KLRG1: variants seen among roughly 807,000 people sequenced by gnomAD.
KLRG1 encodes killer cell lectin like receptor G1.
A neutral mutation model predicts 21.8 loss-of-function variants in KLRG1; 16 were observed. That is an observed-to-expected ratio of 0.73 (90% CI 0.50 to 1.11). KLRG1 has a LOEUF of 1.11. Ranked by LOEUF, KLRG1 falls within the 50% of genes most tolerant of loss-of-function variation. KLRG1 has a pLI of 0.00. For missense variants in KLRG1, 173 were observed against 218.3 expected, an observed-to-expected ratio of 0.79 and a Z score of 1.31; for synonymous variants, 69 against 75.9, an observed-to-expected ratio of 0.91 and a Z score of 0.47.
the KLRG1 span, among the ~76,000 whole-genome samples, chr12:9,019,372 A>G: frequency 1.3e-5 from 2 of 152,246 alleles, no homozygotes; most frequent in South Asian, 2.1e-4. Flanking sequence ...TTTCCTCAAA[A>G]AACTGAAAAT....
At chr12:9,167,555 C>T in the KLRG1 span, 1 of 152,136 alleles carries the variant, frequency 6.6e-6, no homozygotes, top group Admixed American at 6.5e-5. Context: ...CCACCTCCAC[C>T]CCTGCTGCTT....
the KLRG1 span, among the ~76,000 whole-genome samples, chr12:9,062,628 T>A: frequency 6.8e-6 from 1 of 147,792 alleles, no homozygotes; most frequent in South Asian, 2.1e-4. Context: ...TATATGTATA[T>A]ATTATACATA....
chr12:8,961,403 T>TTTTA (rs1022786875), intron 1 of KLRG1, among the ~76,000 whole-genome samples: 143 of 152,052 alleles, frequency 9.4e-4, no homozygotes, highest in Middle Eastern at 3.4e-3. Context: ...AGATGGCAAT[T>TTTTA]TTTATTTATT....
At chr12:9,038,112 T>C in the KLRG1 span, among the ~76,000 whole-genome samples, 2 of 152,056 alleles carry the variant, frequency 1.3e-5, no homozygotes, top group Admixed American at 6.6e-5. Context: ...AAATAAAAAA[T>C]TGGCTGGGTG....
chr12:9,101,274 A>G, the KLRG1 span: 1 of 1,494,544 alleles, frequency 6.7e-7, no homozygotes, highest in Non-Finnish European at 9.1e-7. Flanking sequence ...TCACTTCAAT[A>G]TACTTGTTTT....
intron 1 of KLRG1, among the ~76,000 whole-genome samples, chr12:8,980,469 C>T (rs1378505087): frequency 2.0e-5 from 3 of 152,036 alleles, no homozygotes; most frequent in Non-Finnish European, 4.4e-5. Flanking sequence ...TTTTATGTTC[C>T]TTATAGGCTT....
chr12:9,093,196 T>C, the KLRG1 span, among the ~76,000 whole-genome samples: 3 of 152,206 alleles, frequency 2.0e-5, no homozygotes, highest in Non-Finnish European at 2.9e-5. Context: ...TTGATAATAC[T>C]GTATTGGATA....
the KLRG1 span, among the ~76,000 whole-genome samples, chr12:9,018,792 C>A: frequency 1.3e-5 from 2 of 151,414 alleles, no homozygotes; most frequent in African/African-American, 4.8e-5. Context: ...ATTGGATTAA[C>A]AACTTAAATA....
chr12:9,188,564 G>C, the KLRG1 span, among the ~76,000 whole-genome samples: 2 of 152,190 alleles, frequency 1.3e-5, no homozygotes, highest in Non-Finnish European at 2.9e-5. Context: ...ATCAGCATAG[G>C]AAGAGAGGAA....
intron 3 of KLRG1, among the ~76,000 whole-genome samples, chr12:9,002,965 A>G (rs1248930047): frequency 1.3e-5 from 2 of 150,436 alleles, no homozygotes; most frequent in African/African-American, 4.9e-5. Context: ...AGTACATAGA[A>G]TATAAGGTTA....
chr12:9,058,435 T>A, the KLRG1 span: 1 of 152,132 alleles, frequency 6.6e-6, no homozygotes, highest in Non-Finnish European at 1.5e-5. Flanking sequence ...ACAGAAATAT[T>A]CATATGCTCA....
chr12:9,146,778 T>A, the KLRG1 span, among the ~76,000 whole-genome samples: 1 of 152,152 alleles, frequency 6.6e-6, no homozygotes, highest in African/African-American at 2.4e-5. Flanking sequence ...GTTATAGTGT[T>A]CACCACTTCA....
At chr12:8,981,811 C>T (rs139273110) in intron 1 of KLRG1, among the ~76,000 whole-genome samples, 1 of 152,142 alleles carries the variant, frequency 6.6e-6, no homozygotes, top group Non-Finnish European at 1.5e-5. Flanking sequence ...ATAGTTTTAT[C>T]AGTTACTGAG....
chr12:9,185,794 C>CTTTTCTTTTCTTTTCTTTTCTTTT, the KLRG1 span, among the ~76,000 whole-genome samples: 4 of 145,658 alleles, frequency 2.7e-5, no homozygotes, highest in Admixed American at 2.1e-4. Context: ...TTCAACATTT[C>CTTTTCTTTTCTTTTCTTTTCTTTT]TTTTCTTTTC....
intron 1 of KLRG1, among the ~76,000 whole-genome samples, chr12:8,972,260 C>T (rs1477403845): frequency 6.6e-6 from 1 of 152,178 alleles, no homozygotes; most frequent in Non-Finnish European, 1.5e-5. Context: ...TGGGTTCACA[C>T]CATTCTCCTG....
chr12:9,031,710 A>G, the KLRG1 span, among the ~76,000 whole-genome samples: 1 of 152,172 alleles, frequency 6.6e-6, no homozygotes, highest in Non-Finnish European at 1.5e-5. Context: ...TATTTCAGGG[A>G]GTCATGACAC....
chr12:9,044,552 A>C, the KLRG1 span, among the ~76,000 whole-genome samples: 1 of 152,126 alleles, frequency 6.6e-6, no homozygotes. Flanking sequence ...CTATAGTCCC[A>C]GCTACCTGGG....
the KLRG1 span, chr12:9,157,870 T>A: frequency 3.2e-6 from 5 of 1,567,994 alleles, no homozygotes; most frequent in South Asian, 4.5e-5. Context: ...TTTGATTAAT[T>A]CCAGTGCCAA....
the KLRG1 span, chr12:9,192,479 A>G: frequency 1.3e-6 from 2 of 1,578,230 alleles, no homozygotes; most frequent in Non-Finnish European, 1.7e-6. Context: ...CCTACTGATA[A>G]GCTGCAATTG....
Sources: gnomAD v4.1 joint callset for allele counts (sites outside exome capture counted in the v4.1 genomes callset) on GRCh38, gnomAD v4.1.1 for gene constraint, MANE v1.5 for transcripts, NCBI Gene and HGNC (gene_info 2026-07-23, HGNC 2026-07-21) for gene names.